PRPF18: variants seen among roughly 807,000 people sequenced by gnomAD.
PRPF18 encodes the protein pre-mRNA processing factor 18, also known as pre-mRNA-splicing factor 18.
A neutral mutation model predicts 46.5 loss-of-function variants in PRPF18; 38 were observed. That is an observed-to-expected ratio of 0.82 (90% CI 0.63 to 1.07). PRPF18 has a LOEUF of 1.07. Ranked by LOEUF, PRPF18 falls within the 50% of genes least tolerant of loss-of-function variation. The pLI, the probability that PRPF18 is intolerant of heterozygous loss-of-function variation, is 0.00. For missense variants in PRPF18, 263 were observed against 410.0 expected, an observed-to-expected ratio of 0.64 and a Z score of 3.10; for synonymous variants, 152 against 146.7, an observed-to-expected ratio of 1.04 and a Z score of -0.26.
chr10:13,621,049 T>C (rs1334118600), intron 9 of PRPF18, among the ~76,000 whole-genome samples: 1 of 152,224 alleles, frequency 6.6e-6, no homozygotes, highest in Admixed American at 6.5e-5. Flanking sequence ...TTTACATATA[T>C]TATAGGAAGC....
chr10:13,627,210 T>G (rs930781641), intron 9 of PRPF18, among the ~76,000 whole-genome samples: 2 of 152,192 alleles, frequency 1.3e-5, no homozygotes, highest in African/African-American at 4.8e-5. Flanking sequence ...TGCTTTATTT[T>G]CTCCAAAGCA....
intron 1 of PRPF18, among the ~76,000 whole-genome samples, chr10:13,594,449 T>C (rs935368629): frequency 6.6e-6 from 1 of 152,250 alleles, no homozygotes; most frequent in African/African-American, 2.4e-5. Context: ...AATTGGTTTC[T>C]TAAAGATCAG....
intron 4 of PRPF18, among the ~76,000 whole-genome samples, chr10:13,609,661 T>C (rs2080243273): frequency 6.6e-6 from 1 of 152,228 alleles, no homozygotes; most frequent in Admixed American, 6.5e-5. Context: ...TAGTTGAGGT[T>C]AGACATTGTA....
At chr10:13,650,823 G>A in the PRPF18 span, among the ~76,000 whole-genome samples, 37 of 152,130 alleles carry the variant, frequency 2.4e-4, no homozygotes, top group Non-Finnish European at 4.9e-4. Flanking sequence ...GATGGTCTCT[G>A]TCTCCACCTG....
intron 6 of PRPF18, among the ~76,000 whole-genome samples, chr10:13,612,300 T>A (rs760834901): frequency 6.6e-6 from 1 of 152,026 alleles, no homozygotes; most frequent in Non-Finnish European, 1.5e-5. Flanking sequence ...TGAGGCAGAG[T>A]CTTGCTCTGT....
intron 1 of PRPF18, among the ~76,000 whole-genome samples, chr10:13,588,482 C>T (rs1244471219): frequency 6.7e-6 from 1 of 150,330 alleles, no homozygotes; most frequent in Non-Finnish European, 1.5e-5. Context: ...GAGACCAAGG[C>T]GGGAGGATCG....
the PRPF18 span, chr10:13,642,398 TAG>T: frequency 1.3e-5 from 2 of 152,288 alleles, no homozygotes; most frequent in East Asian, 1.9e-4. Flanking sequence ...TTCCTCTTTT[TAG>T]AGAGTTTTAC....
At chr10:13,616,683 T>A in intron 9 of PRPF18, 130 bp downstream of exon 9, 1 of 1,205,068 alleles carries the variant, frequency 8.3e-7, no homozygotes, top group South Asian at 1.4e-5. Flanking sequence ...AAGTCCCCTC[T>A]GGATAAGCAC....
rs370793286 is a variant in PRPF18, at chr10:13,630,401, G to C, written c.*61G>C. 23 of 1,339,378 alleles carry C rather than the reference G, an allele frequency of 1.7e-5. No individual in the cohort carries two copies. In the African/African-American group the frequency reaches 3.2e-4, roughly 19 times the overall value. The allele number at this position is 1,339,378 out of a possible 1,614,324, so 83.0% of individuals were successfully genotyped here. A position where few individuals can be genotyped will look rare whatever the true frequency, so the allele number is the denominator to read the frequency against. ...TTAGGGAAGCAGGCTGTGGACTTCTGGAATTACCAACAGGAATGAGGAAAG... is the reference window on the plus strand; with the variant it reads ...TTAGGGAAGCAGGCTGTGGACTTCTCGAATTACCAACAGGAATGAGGAAAG... On this transcript the variant is annotated 3_prime_UTR_variant, in exon 10 of 10. Coordinates refer to ENST00000378572, the MANE Select transcript of PRPF18 (RefSeq NM_003675.4).
chr10:13,635,461 A>G (rs1313768726), downstream of PRPF18, among the ~76,000 whole-genome samples: 1 of 152,188 alleles, frequency 6.6e-6, no homozygotes, highest in African/African-American at 2.4e-5. Flanking sequence ...GGTCTTTGAA[A>G]AATTGCCACA....
At chr10:13,646,982 TC>T in the PRPF18 span, 1 of 984,674 alleles carries the variant, frequency 1.0e-6, no homozygotes, top group African/African-American at 1.7e-5. Flanking sequence ...CCACTGGACA[TC>T]AGCTAGTTCT....
Position 13,597,444 on chromosome 10 carries a change from A to G in PRPF18, c.67-14A>G. The G allele has an allele frequency of 6.5e-7, 1 of 1,547,424 alleles. No homozygotes were observed. Among genetic ancestry groups the G allele is most frequent in the South Asian group, 1.2e-5 (1 of 83,834 alleles). ...CAAGGATATATTATTGACATAATTT[A>G]TTTTCTTTAATAGGAAAATAAAAAA... On this transcript the variant is annotated splice_polypyrimidine_tract_variant and intron_variant, in intron 1 of 9. Coordinates refer to ENST00000378572, the MANE Select transcript of PRPF18 (RefSeq NM_003675.4).
intron 4 of PRPF18, among the ~76,000 whole-genome samples, chr10:13,609,163 G>A (rs1248800717): frequency 1.3e-5 from 2 of 152,204 alleles, no homozygotes; most frequent in Non-Finnish European, 2.9e-5. Flanking sequence ...TCCAGTAACT[G>A]TTCAAAGCTC....
chr10:13,649,797 G>C, the PRPF18 span, among the ~76,000 whole-genome samples: 1 of 152,180 alleles, frequency 6.6e-6, no homozygotes, highest in Non-Finnish European at 1.5e-5. Flanking sequence ...CATGTGCTAC[G>C]AAAGAGACCC....
the PRPF18 span, chr10:13,641,366 A>C: frequency 6.6e-6 from 1 of 152,410 alleles, no homozygotes; most frequent in East Asian, 1.9e-4. Flanking sequence ...AGTTTAGTTC[A>C]GGACATGTTA....
chr10:13,654,706 CCCCAACCTCTGCATCCCA>C, the PRPF18 span: 4 of 583,036 alleles, frequency 6.9e-6, no homozygotes, highest in Admixed American at 3.1e-5. Flanking sequence ...CTACATGCCC[CCCCAACCTCTGCATCCCA>C]CCCATTCCAT....
downstream of PRPF18, chr10:13,631,605 G>C (rs2080590431): frequency 6.6e-6 from 1 of 152,242 alleles, no homozygotes; most frequent in Non-Finnish European, 1.5e-5. Context: ...GTTGTCATTA[G>C]AGGGAAGCCA....
At chr10:13,595,085 A>T (rs1158794601) in intron 1 of PRPF18, among the ~76,000 whole-genome samples, 1 of 152,246 alleles carries the variant, frequency 6.6e-6, no homozygotes, top group African/African-American at 2.4e-5. Flanking sequence ...TGAAGAATAC[A>T]GTTTGAAGGC....
intron 3 of PRPF18, among the ~76,000 whole-genome samples, chr10:13,604,327 G>A (rs763658981): frequency 1.3e-4 from 20 of 152,012 alleles, no homozygotes; most frequent in Admixed American, 3.3e-4. Flanking sequence ...TATTTATTAC[G>A]TTTTCTGTTT....
Sources: allele counts gnomAD v4.1 joint callset (sites outside exome capture counted in the v4.1 genomes callset), GRCh38; gene constraint gnomAD v4.1.1; transcripts MANE v1.5; gene names NCBI Gene and HGNC (gene_info 2026-07-23, HGNC 2026-07-21).